CD200: variants seen among roughly 807,000 people sequenced by gnomAD.
CD200 encodes the protein CD200 molecule, also known as OX-2 membrane glycoprotein.
Under a neutral mutation model 30.9 loss-of-function variants are expected in CD200, and 15 were observed. The observed-to-expected ratio is 0.49, with a 90% CI of 0.32 to 0.75. The LOEUF is 0.75. Ranked by LOEUF, CD200 falls within the 30% of genes least tolerant of loss-of-function variation. The pLI, the probability that CD200 is intolerant of heterozygous loss-of-function variation, is 0.03. For missense variants in CD200, 262 were observed against 324.2 expected (o/e 0.81, Z 1.47); for synonymous variants, 134 against 126.2 (o/e 1.06, Z -0.41).
intron 4 of CD200, among the ~76,000 whole-genome samples, chr3:112,348,719 A>G (rs2081462311): frequency 6.6e-6 from 1 of 152,168 alleles, no homozygotes; most frequent in Non-Finnish European, 1.5e-5. Context: ...TGGCCTTTGG[A>G]GTCCCTGAAA....
chr3:112,355,389 CTT>C (rs540937528), intron 5 of CD200, among the ~76,000 whole-genome samples: 9 of 151,776 alleles, frequency 5.9e-5, no homozygotes, highest in African/African-American at 2.2e-4. Context: ...ATTACAAAAA[CTT>C]TTTTTTTCTT....
Position 112,342,326 on chromosome 3 carries a change from TTTCTTTCTTTCCTTCTTTCTTTCTTTC to T in CD200, c.94+1346_94+1372del, listed in dbSNP as rs1559783051. Among the ~76,000 whole-genome samples the T allele has an allele frequency of 5.9e-4, 19 of 32,192 alleles. 3 individuals carry two copies. Among genetic ancestry groups the T allele is most frequent in the East Asian group, 4.0e-3 (5 of 1,250 alleles). The allele number at this position is 32,192 out of a possible 152,430, so 21.1% of individuals were successfully genotyped here. A position where few individuals can be genotyped will look rare whatever the true frequency, so the allele number is the denominator to read the frequency against. On this transcript the variant is annotated intron_variant, in intron 2 of 5. Coordinates refer to ENST00000315711, the MANE Select transcript of CD200 (RefSeq NM_005944.7). ...CCTTCCTTTCTTCTTTCTTTCTTTC[TTTCTTTCTTTCCTTCTTTCTTTCTTTC>T]TTTCTTTCTTTCTTTCTTTCTTTCT... is the stretch of plus-strand genomic sequence containing the variant.
intron 1 of CD200, among the ~76,000 whole-genome samples, chr3:112,335,101 A>G (rs2108417234): frequency 6.6e-6 from 1 of 152,334 alleles, no homozygotes; most frequent in Admixed American, 6.5e-5. Flanking sequence ...CTGGCAATGG[A>G]GCCTGAGGAA....
Position 112,345,014 on chromosome 3 carries a change from A to AAAATGC in CD200, c.148_153dup (p.Lys50_Cys51dup). 6.2e-7 allele frequency: 1 copy of AAAATGC among 1,614,098 alleles called. No homozygotes were observed. Among genetic ancestry groups the AAAATGC allele is most frequent in the Non-Finnish European group, 8.5e-7 (1 of 1,179,964 alleles). ...AGCAGCTGTACACACCTGCTTCCTT[A>AAAATGC]AAATGCTCTCTGCAAAATGCCCAGG... On this transcript the variant is annotated inframe_insertion, in exon 3 of 6. Coordinates refer to ENST00000315711, the MANE Select transcript of CD200 (RefSeq NM_005944.7).
At chr3:112,342,317 CTTTCTTTCTTTCTTTCTTTCCTT>C (rs2081262608) in intron 2 of CD200, among the ~76,000 whole-genome samples, 2 of 41,854 alleles carry the variant, frequency 4.8e-5, no homozygotes, top group East Asian at 5.7e-4. Context: ...TTTCTTCTTT[CTTTCTTTCTTTCTTTCTTTCCTT>C]CTTTCTTTCT....
intron 5 of CD200, among the ~76,000 whole-genome samples, chr3:112,352,392 C>A (rs1267573632): frequency 1.3e-5 from 2 of 152,254 alleles, no homozygotes; most frequent in East Asian, 3.9e-4. Context: ...CTTTTCTTTT[C>A]TTTCTCTTTT....
chr3:112,356,648 C>T (rs1269373433), intron 5 of CD200, among the ~76,000 whole-genome samples: 1 of 152,202 alleles, frequency 6.6e-6, no homozygotes, highest in Non-Finnish European at 1.5e-5. Flanking sequence ...AAATAAGAAA[C>T]TGAATGTGAT....
intron 5 of CD200, among the ~76,000 whole-genome samples, chr3:112,355,714 T>G (rs935854711): frequency 6.6e-6 from 1 of 152,194 alleles, no homozygotes; most frequent in African/African-American, 2.4e-5. Flanking sequence ...ATTTTCAGAA[T>G]TCTTCAAAAT....
At chr3:112,358,939 AAG>A (rs2081683457) in intron 5 of CD200, among the ~76,000 whole-genome samples, 1 of 152,226 alleles carries the variant, frequency 6.6e-6, no homozygotes, top group South Asian at 2.1e-4. Flanking sequence ...GAGAGAAAGA[AAG>A]AGAGAAACAA....
intron 5 of CD200, among the ~76,000 whole-genome samples, chr3:112,351,265 A>G (rs1224731713): frequency 1.3e-5 from 2 of 152,200 alleles, no homozygotes; most frequent in Admixed American, 1.3e-4. Context: ...TTGACTTGAA[A>G]GGAGCTATTG....
Position 112,347,646 on chromosome 3 carries a change from C to G in CD200, c.510C>G (p.Val170=). Residue 170 remains valine (V), a synonymous_variant, in exon 4 of 6, where the codon GTC becomes GTG. Transcript: ENST00000315711. ...CCACTGCCCGCCCAGCCCCCATGGT[C>G]TTCTGGAAGGTCCCTCGGTCAGGGA... ...CSATARPAPM[V]FWKVPRSGIE... is the part of the protein sequence containing the mutation. The G allele has an allele frequency of 1.2e-6, 2 of 1,614,086 alleles. No homozygotes were observed. The highest frequency in any genetic ancestry group is 3.3e-4 in the Middle Eastern group (2 of 6,062).
chr3:112,335,855 C>T, intron 1 of CD200: 1 of 930,462 alleles, frequency 1.1e-6, no homozygotes, highest in South Asian at 1.3e-5. Context: ...TCAACACACA[C>T]AACCACCTCC....
At chr3:112,336,089 T>G in intron 1 of CD200, 2 of 969,642 alleles carry the variant, frequency 2.1e-6, no homozygotes, top group Non-Finnish European at 3.3e-6. Flanking sequence ...ATGAAGCTTA[T>G]TATATAAGAT....
At chr3:112,336,481 A>T (rs757670485) in intron 1 of CD200, among the ~76,000 whole-genome samples, 5 of 152,128 alleles carry the variant, frequency 3.3e-5, no homozygotes, top group African/African-American at 9.7e-5. Flanking sequence ...AAGTCATTGT[A>T]TCTAAAAGGA....
In CD200 at chr3:112,349,821, T is replaced by A; in HGVS notation, c.802+2T>A. Reference sequence around the variant, plus strand: ...AACGTCACCGGAATCAGGACCGAGGTGAGTTGTCACAGGGAGTTCAAAAAA... The same window carrying A: ...AACGTCACCGGAATCAGGACCGAGGAGAGTTGTCACAGGGAGTTCAAAAAA... On this transcript the variant is annotated splice_donor_variant, in intron 5 of 5. Transcript: ENST00000315711. LOFTEE classifies it high-confidence loss of function. 2.5e-6 allele frequency: 4 copies of A among 1,604,526 alleles called. No individual in the cohort carries two copies. The highest frequency in any genetic ancestry group is 3.4e-6 in the Non-Finnish European group (4 of 1,176,282).
intron 5 of CD200, among the ~76,000 whole-genome samples, chr3:112,352,443 G>A (rs1201892952): frequency 6.6e-6 from 1 of 151,922 alleles, no homozygotes; most frequent in African/African-American, 2.4e-5. Flanking sequence ...CAAATGAGCA[G>A]GAAAACACGA....
chr3:112,347,978 A>G (rs1192420889), intron 4 of CD200, 148 bp downstream of exon 4: 2 of 713,248 alleles, frequency 2.8e-6, no homozygotes, highest in Non-Finnish European at 4.5e-6. Context: ...AACAAAACAA[A>G]AAAATTGAAG....
At chr3:112,353,833 T>C (rs940788492) in intron 5 of CD200, among the ~76,000 whole-genome samples, 2 of 152,196 alleles carry the variant, frequency 1.3e-5, no homozygotes, top group Non-Finnish European at 2.9e-5. Context: ...TATGCTTCCC[T>C]GACAGAGGCT....
intron 2 of CD200, among the ~76,000 whole-genome samples, chr3:112,342,383 T>A (rs866419309): frequency 3.7e-5 from 2 of 53,588 alleles, no homozygotes; most frequent in Non-Finnish European, 7.8e-5. Flanking sequence ...CTTTCTTTCT[T>A]TCTTTCTTTC....
Sources: gnomAD v4.1 joint callset for allele counts (sites outside exome capture counted in the v4.1 genomes callset) on GRCh38, gnomAD v4.1.1 for gene constraint, MANE v1.5 for transcripts, NCBI Gene and HGNC (gene_info 2026-07-23, HGNC 2026-07-21) for gene names.